SORCS1: variants seen among roughly 807,000 people sequenced by gnomAD.
SORCS1 encodes the protein VPS10 domain-containing receptor SorCS1.
A neutral mutation model predicts 146.1 loss-of-function variants in SORCS1; 60 were observed. The observed-to-expected ratio is 0.41, with a 90% CI of 0.33 to 0.51. The LOEUF is 0.51. Among genes scored for constraint, SORCS1 ranks in the 20% least tolerant of loss-of-function variants. The probability of loss-of-function intolerance (pLI) is 0.21; values close to 1 mark genes in which losing one functional copy is unlikely to be tolerated. For synonymous variants in SORCS1, 637 were observed against 584.0 expected (o/e 1.09, Z -1.31); for missense variants, 1,352 against 1,487.6 (o/e 0.91, Z 1.50).
At chr10:106,955,023 T>C (rs1159110204) in intron 2 of SORCS1, among the ~76,000 whole-genome samples, 1 of 152,204 alleles carries the variant, frequency 6.6e-6, no homozygotes, top group African/African-American at 2.4e-5. Context: ...GAAGTAGCAG[T>C]GGCGCTGGGC....
chr10:106,664,062 C>T (rs1008684428), intron 17 of SORCS1, among the ~76,000 whole-genome samples: 7 of 152,142 alleles, frequency 4.6e-5, no homozygotes, highest in Non-Finnish European at 1.0e-4. Flanking sequence ...GTGGACGTGG[C>T]AACTTAACAA....
intron 2 of SORCS1, among the ~76,000 whole-genome samples, chr10:106,833,113 G>C (rs1193933041): frequency 6.6e-6 from 1 of 152,030 alleles, no homozygotes; most frequent in Non-Finnish European, 1.5e-5. Flanking sequence ...ATTTTTTTCA[G>C]AAAGCTTACA....
At chr10:106,618,777 C>A (rs1847546677) in intron 20 of SORCS1, among the ~76,000 whole-genome samples, 1 of 152,140 alleles carries the variant, frequency 6.6e-6, no homozygotes, top group Non-Finnish European at 1.5e-5. Flanking sequence ...AGTTAAACAG[C>A]AGTGGCCTTG....
intron 23 of SORCS1, chr10:106,600,302 G>C: frequency 1.0e-6 from 1 of 963,648 alleles, no homozygotes; most frequent in Non-Finnish European, 1.2e-6. Flanking sequence ...TTTTAAGAAG[G>C]AAATTTAAAT....
At chr10:107,118,639 T>C (rs192859151) in intron 1 of SORCS1, among the ~76,000 whole-genome samples, 36 of 152,216 alleles carry the variant, frequency 2.4e-4, no homozygotes, top group Non-Finnish European at 5.0e-4. Context: ...TACAGATGAA[T>C]TGATATCTAG....
In SORCS1 at chr10:106,785,744, A is replaced by G. The variant is rs552898311; in HGVS notation, c.727-9052T>C. Among the ~76,000 whole-genome samples, 6 of 152,282 alleles carry G rather than the reference A, an allele frequency of 3.9e-5. No individual in the cohort carries two copies. The East Asian group carries it at 1.2e-3, about 29-fold the overall frequency. On this transcript the variant is annotated intron_variant, in intron 3 of 25. Transcript: ENST00000263054. The stretch of plus-strand genomic sequence containing the variant: ...CCACCAGGGATTTCTCTTATACAGG[A>G]TTTGCAGATTAGTGAAGTGAGAATA...
chr10:107,069,211 A>G (rs924054410), intron 1 of SORCS1, among the ~76,000 whole-genome samples: 1 of 152,102 alleles, frequency 6.6e-6, no homozygotes, highest in Non-Finnish European at 1.5e-5. Flanking sequence ...TGAGAGATAT[A>G]TGACCCAGAG....
intron 1 of SORCS1, among the ~76,000 whole-genome samples, chr10:107,081,190 A>G (rs1006602983): frequency 6.6e-6 from 1 of 152,178 alleles, no homozygotes; most frequent in East Asian, 1.9e-4. Flanking sequence ...GAAGAATCCA[A>G]TCTCATCAAA....
intron 1 of SORCS1, among the ~76,000 whole-genome samples, chr10:107,066,582 C>A (rs571919896): frequency 6.6e-5 from 10 of 152,250 alleles, no homozygotes; most frequent in African/African-American, 2.2e-4. Context: ...GAATGAAGTA[C>A]AATGATCAAG....
In SORCS1 at chr10:106,652,477, C is replaced by T. The variant is rs1284352108; in HGVS notation, c.2380G>A (p.Gly794Arg). The T allele has an allele frequency of 6.2e-7, 1 of 1,614,158 alleles. No individual in the cohort carries two copies. The highest frequency in any genetic ancestry group is 8.5e-7 in the Non-Finnish European group (1 of 1,180,010). ...QYTAKPQKCPGKAPRGLRIVT... is the reference protein window; with the variant it reads ...QYTAKPQKCPRKAPRGLRIVT... ...ATCCGCAGCCCCCGCGGGGCTTTCC[C>T]TGGGCACTTCTGCGGTTTGGCAGTG... The change falls in exon 18 of 26, where the codon GGG becomes AGG. Residue 794 changes from glycine to arginine, a missense_variant. By Grantham distance (125) the Gly-to-Arg change is moderately radical. Coordinates refer to ENST00000263054, the MANE Select transcript of SORCS1 (RefSeq NM_052918.5).
intron 16 of SORCS1, among the ~76,000 whole-genome samples, chr10:106,668,088 C>T (rs547597752): frequency 8.9e-4 from 135 of 152,186 alleles, no homozygotes; most frequent in African/African-American, 2.9e-3. Flanking sequence ...CTCATTAGAA[C>T]GATACACAAT....
intron 16 of SORCS1, among the ~76,000 whole-genome samples, chr10:106,670,990 G>A (rs77657058): frequency 3.2e-4 from 48 of 152,010 alleles, no homozygotes; most frequent in Non-Finnish European, 4.6e-4. Flanking sequence ...CACCATGCCC[G>A]GCCAAATCTG....
chr10:106,774,687 C>T (rs1389680436), intron 4 of SORCS1, among the ~76,000 whole-genome samples: 1 of 152,126 alleles, frequency 6.6e-6, no homozygotes, highest in Non-Finnish European at 1.5e-5. Flanking sequence ...GAACTTTGAG[C>T]TACCAATTTA....
At chr10:106,983,256 T>A (rs1225452529) in intron 1 of SORCS1, among the ~76,000 whole-genome samples, 1 of 148,078 alleles carries the variant, frequency 6.8e-6, no homozygotes, top group Non-Finnish European at 1.5e-5. Flanking sequence ...ATATACATAT[T>A]TCTATATATA....
At chr10:107,072,665 C>T (rs1962538025) in intron 1 of SORCS1, among the ~76,000 whole-genome samples, 4 of 150,812 alleles carry the variant, frequency 2.7e-5, no homozygotes, top group Admixed American at 2.6e-4. Flanking sequence ...AGAACGAGAA[C>T]ACTTGCATTA....
the SORCS1 span, among the ~76,000 whole-genome samples, chr10:107,180,484 T>C: frequency 6.6e-6 from 1 of 152,180 alleles, no homozygotes; most frequent in African/African-American, 2.4e-5. Context: ...ACCTTTGTTT[T>C]ATTTCTGATT....
chr10:107,009,793 GCT>G (rs1354762213), intron 1 of SORCS1, among the ~76,000 whole-genome samples: 2 of 152,074 alleles, frequency 1.3e-5, no homozygotes, highest in African/African-American at 4.8e-5. Flanking sequence ...CCTTTAAATT[GCT>G]CTTTCACCTA....
At chr10:106,694,711 A>G (rs1267574649) in intron 9 of SORCS1, among the ~76,000 whole-genome samples, 1 of 152,218 alleles carries the variant, frequency 6.6e-6, no homozygotes, top group Admixed American at 6.5e-5. Flanking sequence ...GAGGGTACTC[A>G]TAACGTACAG....
At chr10:106,728,915 G>A (rs955286078) in intron 6 of SORCS1, among the ~76,000 whole-genome samples, 1 of 152,116 alleles carries the variant, frequency 6.6e-6, no homozygotes, top group African/African-American at 2.4e-5. Flanking sequence ...CTCTACATCT[G>A]AGACCTCTTC....
Sources: gnomAD v4.1 joint callset for allele counts (sites outside exome capture counted in the v4.1 genomes callset) on GRCh38, gnomAD v4.1.1 for gene constraint, MANE v1.5 for transcripts, NCBI Gene and HGNC (gene_info 2026-07-23, HGNC 2026-07-21) for gene names.